The following WWOX variants were observed in gnomAD, a reference collection of about 807,000 sequenced individuals.
WWOX encodes the protein WW domain-containing oxidoreductase.
WWOX carries 69 observed loss-of-function variants against 46.2 expected under a neutral mutation model. The ratio of observed to expected loss-of-function variants is 1.49; its 90% CI spans 1.23 to 1.82. The LOEUF (loss-of-function observed/expected upper bound fraction) is 1.82, where lower values mean the gene tolerates loss of function less well. Among genes scored for constraint, WWOX ranks in the 40% most tolerant of loss-of-function variants. The probability of loss-of-function intolerance (pLI) is 0.00; values close to 1 mark genes in which losing one functional copy is unlikely to be tolerated. For missense variants in WWOX, 919 were observed against 542.6 expected, an observed-to-expected ratio of 1.69 and a Z score of -6.89; for synonymous variants, 359 against 202.6, an observed-to-expected ratio of 1.77 and a Z score of -6.56.
chr16:78,796,715 G>T (rs1266563886), intron 8 of WWOX, among the ~76,000 whole-genome samples: 5 of 152,292 alleles, frequency 3.3e-5, no homozygotes, highest in Admixed American at 3.3e-4. Flanking sequence ...GCCCTGCCTG[G>T]GCTAGGAGCC....
At chr16:79,040,885 A>G (rs548413471) in intron 8 of WWOX, among the ~76,000 whole-genome samples, 9 of 152,162 alleles carry the variant, frequency 5.9e-5, no homozygotes, top group African/African-American at 1.4e-4. Flanking sequence ...TGCCCAGCCA[A>G]TTTGCCCAAG....
At chr16:78,915,720 C>G (rs915547338) in intron 8 of WWOX, among the ~76,000 whole-genome samples, 4 of 151,848 alleles carry the variant, frequency 2.6e-5, no homozygotes, top group African/African-American at 7.3e-5. Context: ...TGCACCAGTT[C>G]TCATCCCGTC....
chr16:78,614,618 A>G (rs545714104), intron 8 of WWOX, among the ~76,000 whole-genome samples: 3 of 152,280 alleles, frequency 2.0e-5, no homozygotes, highest in African/African-American at 4.8e-5. Flanking sequence ...AGAGAGACAT[A>G]GGTGTATGGC....
intron 4 of WWOX, among the ~76,000 whole-genome samples, chr16:78,139,346 A>G (rs1208629323): frequency 6.6e-6 from 1 of 152,148 alleles, no homozygotes; most frequent in Non-Finnish European, 1.5e-5. Context: ...TTCACATTGT[A>G]TAAAAAGCAG....
chr16:78,715,319 G>T (rs1030983792), intron 8 of WWOX, among the ~76,000 whole-genome samples: 1 of 152,140 alleles, frequency 6.6e-6, no homozygotes, highest in Admixed American at 6.5e-5. Context: ...AGCCGGCTCA[G>T]CAACTGCACA....
intron 8 of WWOX, among the ~76,000 whole-genome samples, chr16:79,068,269 A>G (rs1470573481): frequency 6.6e-6 from 1 of 152,198 alleles, no homozygotes; most frequent in Non-Finnish European, 1.5e-5. Context: ...TGTGTCAAGC[A>G]CTTCCCATAA....
chr16:78,583,167 G>C (rs905118737), intron 8 of WWOX, among the ~76,000 whole-genome samples: 1 of 152,172 alleles, frequency 6.6e-6, no homozygotes, highest in Non-Finnish European at 1.5e-5. Flanking sequence ...GTCTTGTAAT[G>C]CAAAGTCTTT....
intron 8 of WWOX, among the ~76,000 whole-genome samples, chr16:78,828,510 T>A (rs968365107): frequency 6.6e-6 from 1 of 151,968 alleles, no homozygotes; most frequent in African/African-American, 2.4e-5. Flanking sequence ...TGGGCATTTT[T>A]AAATTATCAT....
At chr16:78,723,717 G>T (rs1455894029) in intron 8 of WWOX, among the ~76,000 whole-genome samples, 1 of 149,050 alleles carries the variant, frequency 6.7e-6, no homozygotes, top group Non-Finnish European at 1.5e-5. Flanking sequence ...GCATTGGAGT[G>T]CTCTCTGGGT....
chr16:78,693,074 A>T (rs7195153), intron 8 of WWOX, among the ~76,000 whole-genome samples: 26 of 152,212 alleles, frequency 1.7e-4, no homozygotes, highest in Admixed American at 1.4e-3. Context: ...CTTGCCAGCA[A>T]CCTTTTAGAT....
intron 8 of WWOX, among the ~76,000 whole-genome samples, chr16:78,978,500 A>G (rs948053189): frequency 1.3e-5 from 2 of 152,190 alleles, no homozygotes; most frequent in Non-Finnish European, 2.9e-5. Context: ...CAACTCTGTC[A>G]GTCTATTCTG....
intron 8 of WWOX, among the ~76,000 whole-genome samples, chr16:78,620,854 C>G (rs2550599): frequency 0.44 from 66,594 of 151,988 alleles, 16,736 homozygotes; most frequent in Middle Eastern, 0.59. Flanking sequence ...TTTCTTCTTT[C>G]ATTTTTTCAT....
chr16:79,191,637 C>T (rs377651), intron 8 of WWOX, among the ~76,000 whole-genome samples: 112,908 of 152,086 alleles, frequency 0.74, 42,470 homozygotes, highest in Non-Finnish European at 0.79. Context: ...CAAATCCTAG[C>T]TGGACTGCAG....
chr16:79,150,753 C>T (rs950088634), intron 8 of WWOX, among the ~76,000 whole-genome samples: 2 of 152,096 alleles, frequency 1.3e-5, no homozygotes, highest in Non-Finnish European at 2.9e-5. Context: ...GTGACTTTAC[C>T]CCTTTGGCCT....
chr16:78,508,309 CCTTTTTTTTTTTT>C (rs1291966730), intron 8 of WWOX, among the ~76,000 whole-genome samples: 2 of 81,240 alleles, frequency 2.5e-5, no homozygotes, highest in Non-Finnish European at 4.4e-5. Context: ...CTGCGCCCGG[CCTTTTTTTTTTTT>C]TTTTTTTTTT....
chr16:78,330,307 A>G (rs2080724865), intron 5 of WWOX, among the ~76,000 whole-genome samples: 1 of 152,202 alleles, frequency 6.6e-6, no homozygotes, highest in Non-Finnish European at 1.5e-5. Context: ...ATTTTACCAC[A>G]AATTAAAGAA....
chr16:78,628,942 G>A (rs1045652389), intron 8 of WWOX, among the ~76,000 whole-genome samples: 1 of 152,116 alleles, frequency 6.6e-6, no homozygotes, highest in Admixed American at 6.6e-5. Flanking sequence ...TTTAGGAGAT[G>A]TTTCCGTTCT....
chr16:78,699,458 G>C (rs554232396), intron 8 of WWOX, among the ~76,000 whole-genome samples: 186 of 152,182 alleles, frequency 1.2e-3, no homozygotes, highest in African/African-American at 4.3e-3. Flanking sequence ...AAGATATCCT[G>C]AGCCCAGGAG....
At chr16:78,444,632 G>C (rs1390323551) in intron 8 of WWOX, among the ~76,000 whole-genome samples, 1 of 151,220 alleles carries the variant, frequency 6.6e-6, no homozygotes, top group Non-Finnish European at 1.5e-5. Context: ...CCGGGTTCAA[G>C]CAATTCTCCT....
Sources: gnomAD v4.1 joint callset for allele counts (sites outside exome capture counted in the v4.1 genomes callset) on GRCh38, gnomAD v4.1.1 for gene constraint, MANE v1.5 for transcripts, NCBI Gene and HGNC (gene_info 2026-07-23, HGNC 2026-07-21) for gene names.